Variants in SENP6 observed in about 807,000 individuals in gnomAD.
The protein encoded by SENP6 is SUMO specific peptidase 6.
A neutral mutation model predicts 134.5 loss-of-function variants in SENP6; 41 were observed. That is an observed-to-expected ratio of 0.30 (90% CI 0.24 to 0.40). The LOEUF is 0.40. Ranked by LOEUF, SENP6 falls within the 10% of genes least tolerant of loss-of-function variation. SENP6 has a pLI of 1.00. For missense variants in SENP6, 1,248 were observed against 1,312.5 expected (o/e 0.95, Z 0.76); for synonymous variants, 395 against 429.8 (o/e 0.92, Z 1.00).
At chr6:75,620,082 C>CAAAA (rs10526946) in intron 1 of SENP6, among the ~76,000 whole-genome samples, 3 of 127,858 alleles carry the variant, frequency 2.3e-5, no homozygotes, top group African/African-American at 2.8e-5. Flanking sequence ...TACCTTGCCT[C>CAAAA]AAAAAAAAAA....
Position 75,667,021 on chromosome 6 carries a change from G to A in SENP6, c.1224+80G>A, listed in dbSNP as rs539069241. On this transcript the variant is annotated intron_variant, in intron 10 of 23. Coordinates refer to ENST00000447266, the MANE Select transcript of SENP6 (RefSeq NM_015571.4). Reference sequence around the variant, plus strand: ...TAAATTTTTTTTAGAAGGCAGTTTGGTAGTGCCAAGAAAAAATGATGGATT... The same window carrying A: ...TAAATTTTTTTTAGAAGGCAGTTTGATAGTGCCAAGAAAAAATGATGGATT... 509 of 766,840 alleles carry A rather than the reference G, an allele frequency of 6.6e-4. 1 individual carries two copies. Among genetic ancestry groups the A allele is most frequent in the Non-Finnish European group, 9.9e-4 (471 of 478,172 alleles). The allele number at this position is 766,840 out of a possible 1,614,324, so 47.5% of individuals were successfully genotyped here. A position where few individuals can be genotyped will look rare whatever the true frequency, so the allele number is the denominator to read the frequency against.
chr6:75,708,108 G>A (rs954772100), intron 19 of SENP6, among the ~76,000 whole-genome samples: 20 of 152,210 alleles, frequency 1.3e-4, no homozygotes, highest in African/African-American at 4.1e-4. Flanking sequence ...CACCCAGGTC[G>A]GAGTACAGTG....
At chr6:75,709,703 T>G (rs1775639788) in intron 20 of SENP6, 73 bp downstream of exon 20, 4 of 1,029,872 alleles carry the variant, frequency 3.9e-6, no homozygotes, top group Non-Finnish European at 6.0e-6. Flanking sequence ...AACATGGTGG[T>G]GCACACCTGT....
At chr6:75,640,581 C>T in intron 5 of SENP6, 103 bp from the exon 6 acceptor site, 1 of 493,770 alleles carries the variant, frequency 2.0e-6, no homozygotes, top group East Asian at 3.4e-5. Flanking sequence ...ACAAGTTGAT[C>T]ACAGTATAAT....
chr6:75,662,750 G>A (rs1396700352), intron 8 of SENP6, among the ~76,000 whole-genome samples: 2 of 152,130 alleles, frequency 1.3e-5, no homozygotes, highest in Admixed American at 1.3e-4. Flanking sequence ...TAGTAGGAAT[G>A]TGTTTTTTCT....
At chr6:75,696,302 T>G (rs1774658010) in intron 17 of SENP6, among the ~76,000 whole-genome samples, 1 of 152,222 alleles carries the variant, frequency 6.6e-6, no homozygotes, top group Non-Finnish European at 1.5e-5. Context: ...CAAATGTGAC[T>G]AGTAGGTTTT....
chr6:75,647,715 T>G lies in SENP6; in HGVS notation c.480-16T>G, dbSNP rs1343568191. On this transcript the variant is annotated splice_polypyrimidine_tract_variant and intron_variant, in intron 6 of 23. Coordinates refer to ENST00000447266, the MANE Select transcript of SENP6 (RefSeq NM_015571.4). ...TATTTCCTGTTAGAATAAAACTACATAAATTTCTTTTTTAGGAAAGAATAC... is the reference window on the plus strand; with the variant it reads ...TATTTCCTGTTAGAATAAAACTACAGAAATTTCTTTTTTAGGAAAGAATAC... The G allele has an allele frequency of 6.4e-7, 1 of 1,560,748 alleles. No individual in the cohort carries two copies. Among genetic ancestry groups the G allele is most frequent in the Non-Finnish European group, 8.8e-7 (1 of 1,132,670 alleles).
At chr6:75,602,609 G>A (rs541036215) in intron 1 of SENP6, 33 bp downstream of exon 1, 1 of 1,546,444 alleles carries the variant, frequency 6.5e-7, no homozygotes, top group Non-Finnish European at 8.8e-7. Flanking sequence ...CGGGGAGAAG[G>A]GAGGGTATAC....
intron 5 of SENP6, among the ~76,000 whole-genome samples, chr6:75,639,134 A>G (rs572816595): frequency 3.6e-4 from 55 of 152,308 alleles, no homozygotes; most frequent in African/African-American, 1.3e-3. Context: ...TACATTAGGT[A>G]TTAATGCCTA....
At chr6:75,698,124 C>T (rs1043051130) in intron 18 of SENP6, 2 of 152,202 alleles carry the variant, frequency 1.3e-5, no homozygotes, top group Admixed American at 6.6e-5. Flanking sequence ...CACTTGTAGT[C>T]GGAAAACTTG....
chr6:75,675,631 A>G (rs147677777), intron 12 of SENP6, 163 bp downstream of exon 12: 2 of 693,118 alleles, frequency 2.9e-6, no homozygotes, highest in Admixed American at 6.3e-5. Flanking sequence ...TTCATTCAGA[A>G]ATATCACAGA....
chr6:75,605,276 C>G (rs1221914197), intron 1 of SENP6, among the ~76,000 whole-genome samples: 1 of 152,202 alleles, frequency 6.6e-6, no homozygotes, highest in African/African-American at 2.4e-5. Flanking sequence ...GCATCCTACT[C>G]TAACAGTCAG....
At chr6:75,678,743 T>G (rs1448752171) in intron 15 of SENP6, 51 bp downstream of exon 15, 2 of 1,387,546 alleles carry the variant, frequency 1.4e-6, no homozygotes, top group Non-Finnish European at 2.0e-6. Context: ...TTTCTCTGTT[T>G]TATTACATTT....
chr6:75,610,283 A>G (rs1767345383), intron 1 of SENP6, among the ~76,000 whole-genome samples: 2 of 152,198 alleles, frequency 1.3e-5, no homozygotes, highest in African/African-American at 4.8e-5. Flanking sequence ...CACGATACTA[A>G]AAGTAAAACA....
chr6:75,713,300 ATATT>A (rs1233869265), intron 21 of SENP6, among the ~76,000 whole-genome samples: 1 of 152,188 alleles, frequency 6.6e-6, no homozygotes, highest in Non-Finnish European at 1.5e-5. Context: ...CTATAATTCA[ATATT>A]TAATATATCC....
chr6:75,603,002 C>CA (rs1321719741), intron 1 of SENP6, among the ~76,000 whole-genome samples: 2 of 152,336 alleles, frequency 1.3e-5, no homozygotes, highest in East Asian at 3.9e-4. Context: ...CAGACAGTTT[C>CA]ATTGAGGTGT....
At chr6:75,622,961 A>G (rs1478622527) in intron 2 of SENP6, 2 of 361,628 alleles carry the variant, frequency 5.5e-6, no homozygotes, top group Non-Finnish European at 8.9e-6. Flanking sequence ...TTCAGTATGC[A>G]TATAGTTTTG....
chr6:75,619,085 GT>G (rs1270045802), intron 1 of SENP6, among the ~76,000 whole-genome samples: 2 of 148,510 alleles, frequency 1.3e-5, no homozygotes, highest in Non-Finnish European at 3.0e-5. Flanking sequence ...ATAAGTTACT[GT>G]TTAACCATTT....
chr6:75,702,506 C>CT (rs1449288321), intron 18 of SENP6, 139 bp from the exon 19 acceptor site: 1 of 798,476 alleles, frequency 1.3e-6, no homozygotes, highest in African/African-American at 1.8e-5. Context: ...GCGTGAGCTA[C>CT]TGCGCCCGGC....
Sources: gnomAD v4.1 joint callset for allele counts (sites outside exome capture counted in the v4.1 genomes callset) on GRCh38, gnomAD v4.1.1 for gene constraint, MANE v1.5 for transcripts, NCBI Gene and HGNC (gene_info 2026-07-23, HGNC 2026-07-21) for gene names.